The following BRD9 variants were observed in gnomAD, a reference collection of about 807,000 sequenced individuals.
BRD9 encodes the protein bromodomain-containing protein 9.
Under a neutral mutation model 68.7 loss-of-function variants are expected in BRD9, and 47 were observed. The observed-to-expected ratio is 0.68, with a 90% confidence interval of 0.54 to 0.87. The LOEUF is 0.87. Among genes scored for constraint, BRD9 ranks in the 40% least tolerant of loss-of-function variants. The probability of loss-of-function intolerance (pLI) is 0.00; values close to 1 mark genes in which losing one functional copy is unlikely to be tolerated. For missense variants in BRD9, 670 were observed against 748.4 expected, an observed-to-expected ratio of 0.90 and a Z score of 1.22; for synonymous variants, 313 against 293.9, an observed-to-expected ratio of 1.06 and a Z score of -0.67.
intron 11 of BRD9, among the ~76,000 whole-genome samples, chr5:877,606 A>C (rs1353526895): frequency 6.6e-6 from 1 of 152,218 alleles, no homozygotes; most frequent in African/African-American, 2.4e-5. Flanking sequence ...TTGCCACAGA[A>C]AACAAAAAAT....
chr5:873,338 C>G (rs1018492356), intron 12 of BRD9, among the ~76,000 whole-genome samples: 1 of 152,176 alleles, frequency 6.6e-6, no homozygotes, highest in African/African-American at 2.4e-5. Flanking sequence ...GTTCTTTGTT[C>G]TGAATTTCTT....
intron 8 of BRD9, 40 bp downstream of exon 8, chr5:883,898 G>A (rs1270078098): frequency 6.3e-6 from 10 of 1,597,912 alleles, no homozygotes; most frequent in Middle Eastern, 3.3e-4. Context: ...GAGAGTCTGG[G>A]GCCACGTGGC....
rs1474558233 is a variant in BRD9 at position 892,770 on chromosome 5, G to C, written c.-113C>G. The C allele has an allele frequency of 4.4e-6, 5 of 1,125,982 alleles. No individual in the cohort carries two copies. Among genetic ancestry groups the C allele is most frequent in the African/African-American group, 3.3e-5 (2 of 61,382 alleles). The allele number at this position is 1,125,982 out of a possible 1,614,324, so 69.7% of individuals were successfully genotyped here. On this transcript the variant is annotated 5_prime_UTR_variant, in exon 1 of 16. Coordinates refer to ENST00000467963, the MANE Select transcript of BRD9 (RefSeq NM_023924.5). The stretch of plus-strand genomic sequence containing the variant: ...TGGCCGCCCGCGCTCGCTGCGCCGA[G>C]GTTGCCGAGCTCGCTGGGCCGCGCC...
At chr5:883,892 G>T in intron 8 of BRD9, 46 bp downstream of exon 8, 1 of 1,595,702 alleles carries the variant, frequency 6.3e-7, no homozygotes, top group South Asian at 1.1e-5. Context: ...CACACAGAGA[G>T]TCTGGGGCCA....
intron 12 of BRD9, among the ~76,000 whole-genome samples, chr5:873,998 C>G (rs1750533726): frequency 6.6e-6 from 1 of 152,232 alleles, no homozygotes; most frequent in South Asian, 2.1e-4. Context: ...CGGCCATTAT[C>G]CACAAGTAAC....
chr5:892,452 C>A (rs1753594033), intron 1 of BRD9, 154 bp downstream of exon 1: 2 of 1,410,794 alleles, frequency 1.4e-6, no homozygotes, highest in African/African-American at 1.5e-5. Context: ...CGGTTCCCTG[C>A]CCGAAATCCC....
intron 3 of BRD9, among the ~76,000 whole-genome samples, chr5:890,904 T>C (rs1037594314): frequency 3.9e-5 from 6 of 152,248 alleles, no homozygotes; most frequent in Non-Finnish European, 7.4e-5. Flanking sequence ...AAAAAACATA[T>C]AAGCCATCCT....
intron 11 of BRD9, among the ~76,000 whole-genome samples, chr5:877,072 C>T (rs899533515): frequency 6.6e-6 from 1 of 152,210 alleles, no homozygotes; most frequent in Non-Finnish European, 1.5e-5. Flanking sequence ...TCTTTCTTCA[C>T]GGCAACATGG....
chr5:889,246 C>G, intron 4 of BRD9, 81 bp from the exon 5 acceptor site: 1 of 1,407,944 alleles, frequency 7.1e-7, no homozygotes, highest in South Asian at 1.3e-5. Context: ...AAATTGGATA[C>G]AACTGACCGA....
intron 14 of BRD9, 29 bp from the exon 15 acceptor site, chr5:865,610 G>A (rs533544765): frequency 3.1e-5 from 49 of 1,563,682 alleles, no homozygotes; most frequent in African/African-American, 9.4e-5. Flanking sequence ...ACCCCACGTC[G>A]GCTGAGCTCA....
At chr5:886,371 G>A (rs993585851) in intron 7 of BRD9, among the ~76,000 whole-genome samples, 12 of 152,194 alleles carry the variant, frequency 7.9e-5, no homozygotes, top group Admixed American at 3.3e-4. Context: ...AGGGGTGATC[G>A]GACGGGCTTG....
chr5:865,204 G>A (rs550846472), intron 15 of BRD9, among the ~76,000 whole-genome samples: 6 of 152,358 alleles, frequency 3.9e-5, no homozygotes, highest in Non-Finnish European at 5.9e-5. Context: ...GTAACCCAGC[G>A]TGCGGCCAGG....
intron 11 of BRD9, among the ~76,000 whole-genome samples, chr5:877,978 G>A (rs902669310): frequency 5.9e-5 from 9 of 152,202 alleles, no homozygotes; most frequent in Non-Finnish European, 7.3e-5. Flanking sequence ...GGAGGAACCA[G>A]CCCTGCCCAC....
intron 14 of BRD9, among the ~76,000 whole-genome samples, chr5:869,701 C>G (rs571381416): frequency 6.5e-4 from 99 of 152,360 alleles, no homozygotes; most frequent in Non-Finnish European, 1.2e-3. Flanking sequence ...TTTCTGACTT[C>G]AGCTCTTCAG....
At chr5:882,618 C>A (rs1232749578) in intron 8 of BRD9, 1 of 162,546 alleles carries the variant, frequency 6.2e-6, no homozygotes, top group Non-Finnish European at 1.3e-5. Context: ...AAACTCCCAA[C>A]AGGCGAGCCA....
At chr5:874,830 A>C (rs564822646) in intron 12 of BRD9, among the ~76,000 whole-genome samples, 9 of 152,260 alleles carry the variant, frequency 5.9e-5, no homozygotes, top group Non-Finnish European at 1.2e-4. Flanking sequence ...AGCCAACAGC[A>C]TCAGAAACTA....
intron 3 of BRD9, among the ~76,000 whole-genome samples, chr5:890,506 G>A (rs1030681143): frequency 3.3e-5 from 5 of 152,214 alleles, no homozygotes; most frequent in South Asian, 4.1e-4. Flanking sequence ...AGAACTCAGA[G>A]GGCAAGTCCT....
At chr5:868,583 C>T (rs893538026) in intron 14 of BRD9, 17 of 152,242 alleles carry the variant, frequency 1.1e-4, no homozygotes, top group African/African-American at 3.1e-4. Context: ...ACCTTCCCTC[C>T]GGGGTCTGGA....
intron 6 of BRD9, 131 bp from the exon 7 acceptor site, chr5:886,838 T>TGGGATG: frequency 6.7e-7 from 1 of 1,499,130 alleles, no homozygotes; most frequent in Non-Finnish European, 9.0e-7. Flanking sequence ...GACGATGGGA[T>TGGGATG]GGGATGGGGA....
Sources: gnomAD v4.1 joint callset for allele counts (sites outside exome capture counted in the v4.1 genomes callset) on GRCh38, gnomAD v4.1.1 for gene constraint, MANE v1.5 for transcripts, NCBI Gene and HGNC (gene_info 2026-07-23, HGNC 2026-07-21) for gene names.